The following COL24A1 variants were observed in gnomAD, a reference collection of about 807,000 sequenced individuals.
COL24A1 encodes collagen type XXIV alpha 1 chain.
Under a neutral mutation model 253.9 loss-of-function variants are expected in COL24A1, and 224 were observed. The observed-to-expected ratio is 0.88, with a 90% CI of 0.79 to 0.99. The LOEUF is 0.99. Among genes scored for constraint, COL24A1 ranks in the 50% least tolerant of loss-of-function variants. The probability of loss-of-function intolerance (pLI) is 0.00; values close to 1 mark genes in which losing one functional copy is unlikely to be tolerated. For missense variants in COL24A1, 2,131 were observed against 2,068.5 expected, an observed-to-expected ratio of 1.03 and a Z score of -0.59; for synonymous variants, 685 against 673.7, an observed-to-expected ratio of 1.02 and a Z score of -0.26.
intron 3 of COL24A1, among the ~76,000 whole-genome samples, chr1:86,119,035 A>T (rs115784069): frequency 0.024 from 3,626 of 152,270 alleles, 52 homozygotes; most frequent in Middle Eastern, 0.048. Flanking sequence ...ACTTAAGCTG[A>T]TAAACAATGT....
At chr1:86,079,424 A>C (rs1702477474) in intron 7 of COL24A1, among the ~76,000 whole-genome samples, 1 of 152,190 alleles carries the variant, frequency 6.6e-6, no homozygotes, top group South Asian at 2.1e-4. Context: ...CCTCACAAGC[A>C]CAGCCAGCCA....
At chr1:86,046,543 G>A (rs770674091) in intron 12 of COL24A1, among the ~76,000 whole-genome samples, 2 of 152,086 alleles carry the variant, frequency 1.3e-5, no homozygotes, top group Non-Finnish European at 2.9e-5. Flanking sequence ...AGTTCTTCAC[G>A]TATTTTCTGT....
intron 28 of COL24A1, among the ~76,000 whole-genome samples, chr1:85,897,312 T>C (rs1683843556): frequency 6.6e-6 from 1 of 152,012 alleles, no homozygotes; most frequent in African/African-American, 2.4e-5. Context: ...GCTTTATAAC[T>C]AAGTGATGGG....
chr1:85,744,059 A>G (rs1257914701), intron 57 of COL24A1, among the ~76,000 whole-genome samples: 1 of 152,170 alleles, frequency 6.6e-6, no homozygotes, highest in Non-Finnish European at 1.5e-5. Flanking sequence ...TGTTAAAACT[A>G]GAGTTTGTAG....
chr1:85,790,239 T>C (rs929616787), intron 47 of COL24A1, among the ~76,000 whole-genome samples: 2 of 152,228 alleles, frequency 1.3e-5, no homozygotes, highest in Non-Finnish European at 2.9e-5. Context: ...GAACTCATTA[T>C]TGGTCTATTC....
At chr1:85,878,698 C>T (rs574227141) in intron 32 of COL24A1, among the ~76,000 whole-genome samples, 75 of 152,280 alleles carry the variant, frequency 4.9e-4, no homozygotes, top group African/African-American at 1.8e-3. Flanking sequence ...GCATTCTCAC[C>T]AGCAATGAAT....
At chr1:85,995,571 G>A (rs1694709011) in intron 19 of COL24A1, among the ~76,000 whole-genome samples, 1 of 152,172 alleles carries the variant, frequency 6.6e-6, no homozygotes, top group South Asian at 2.1e-4. Context: ...TCCCCCCATG[G>A]TACCCTGAGG....
intron 43 of COL24A1, among the ~76,000 whole-genome samples, chr1:85,824,134 A>G (rs948135976): frequency 1.3e-5 from 2 of 152,194 alleles, no homozygotes; most frequent in Non-Finnish European, 2.9e-5. Context: ...CCCTAAATCC[A>G]CTAAAGAGCA....
At chr1:86,033,667 AG>A (rs1240086370) in intron 13 of COL24A1, among the ~76,000 whole-genome samples, 5 of 152,274 alleles carry the variant, frequency 3.3e-5, no homozygotes, top group African/African-American at 1.2e-4. Context: ...ATTAATTTAA[AG>A]ATTGAATGTC....
rs139305650 is a variant in COL24A1 at position 86,088,502 on chromosome 1, A to G, written c.1707+672T>C. 7.0e-3 allele frequency among the ~76,000 whole-genome samples: 1,063 copies of G among 151,764 alleles called. 14 individuals are homozygous for G. Among genetic ancestry groups the G allele is most frequent in the African/African-American group, 0.024 (1,014 of 41,458 alleles). On this transcript the variant is annotated intron_variant, in intron 7 of 59. Coordinates refer to ENST00000370571, the MANE Select transcript of COL24A1 (RefSeq NM_152890.7). ...GCTGACCAGGTAGAAAAGAAGTTAT[A>G]CTTCTGTTAATCCAGGAAACTAAAA...
chr1:86,064,864 G>A (rs1429518979), intron 7 of COL24A1, among the ~76,000 whole-genome samples: 2 of 152,164 alleles, frequency 1.3e-5, no homozygotes, highest in East Asian at 3.8e-4. Context: ...CAGCTTTTGC[G>A]ATGTTAAACT....
intron 28 of COL24A1, among the ~76,000 whole-genome samples, chr1:85,901,745 C>T (rs1558588618): frequency 7.7e-6 from 1 of 129,584 alleles, no homozygotes; most frequent in South Asian, 2.6e-4. Context: ...CTGGGAGGCA[C>T]AGGTTGCAGT....
intron 52 of COL24A1, among the ~76,000 whole-genome samples, chr1:85,778,510 GA>G (rs530560282): frequency 1.1e-4 from 16 of 149,646 alleles, no homozygotes; most frequent in African/African-American, 2.7e-4. Flanking sequence ...CATACAAAAT[GA>G]AAAAAAAATT....
intron 37 of COL24A1, among the ~76,000 whole-genome samples, chr1:85,866,986 G>A (rs1221642487): frequency 5.3e-5 from 8 of 152,260 alleles, no homozygotes; most frequent in African/African-American, 1.7e-4. Flanking sequence ...TTCTTCAAAT[G>A]TTACTTTGAA....
intron 20 of COL24A1, among the ~76,000 whole-genome samples, chr1:85,981,474 C>T (rs1693252705): frequency 6.6e-6 from 1 of 152,132 alleles, no homozygotes; most frequent in Non-Finnish European, 1.5e-5. Context: ...CCTCATTTCT[C>T]ATCTTACACA....
chr1:85,969,192 C>T (rs552492344), intron 22 of COL24A1, among the ~76,000 whole-genome samples: 36 of 152,016 alleles, frequency 2.4e-4, no homozygotes, highest in African/African-American at 3.1e-4. Flanking sequence ...ATAATTCTCA[C>T]GAAAAATAAA....
chr1:85,979,296 C>T (rs1693007888), intron 20 of COL24A1, among the ~76,000 whole-genome samples: 1 of 151,728 alleles, frequency 6.6e-6, no homozygotes, highest in Non-Finnish European at 1.5e-5. Context: ...GAAACAAGAA[C>T]AAATAAAACC....
At chr1:86,058,551 T>C (rs1700828629) in intron 9 of COL24A1, among the ~76,000 whole-genome samples, 1 of 151,460 alleles carries the variant, frequency 6.6e-6, no homozygotes, top group South Asian at 2.1e-4. Context: ...TAATTAATTT[T>C]AGAAGTAATC....
Position 86,125,934 on chromosome 1 carries a change from TCC to T in COL24A1, c.400_401del (p.Gly134SerfsTer6), listed in dbSNP as rs767039075. 2.5e-5 allele frequency: 41 copies of T among 1,613,366 alleles called. No homozygotes were observed. The highest frequency in any genetic ancestry group is 7.6e-6 in the Non-Finnish European group (9 of 1,179,770). ...SIRNKNRLQL[G>X]VQLLPKKLVV... ...CTAATTTTTTAGGTAGTAATTGTACTCCTAATTGCAGTCTATTTTTATTTCTA... is the reference window on the plus strand; with the variant it reads ...CTAATTTTTTAGGTAGTAATTGTACTTAATTGCAGTCTATTTTTATTTCTA... On this transcript the variant is annotated frameshift_variant, in exon 3 of 60. Coordinates refer to ENST00000370571, the MANE Select transcript of COL24A1 (RefSeq NM_152890.7). LOFTEE classifies it high-confidence loss of function.
Sources: allele counts gnomAD v4.1 joint callset (sites outside exome capture counted in the v4.1 genomes callset), GRCh38; gene constraint gnomAD v4.1.1; transcripts MANE v1.5; gene names NCBI Gene and HGNC (gene_info 2026-07-23, HGNC 2026-07-21).